Variants in CDK13 observed in about 807,000 individuals in gnomAD.
CDK13 encodes cyclin-dependent kinase 13.
Under a neutral mutation model 137.6 loss-of-function variants are expected in CDK13, and 40 were observed. The ratio of observed to expected loss-of-function variants is 0.29; its 90% confidence interval spans 0.23 to 0.38. The LOEUF is 0.38. Ranked by LOEUF, CDK13 falls within the 10% of genes least tolerant of loss-of-function variation. CDK13 has a pLI of 1.00. For missense variants in CDK13, 1,704 were observed against 1,951.8 expected (o/e 0.87, Z 2.39); for synonymous variants, 869 against 760.1 (o/e 1.14, Z -2.36).
intron 1 of CDK13, among the ~76,000 whole-genome samples, chr7:39,963,286 C>T (rs1189771555): frequency 1.3e-5 from 2 of 152,076 alleles, no homozygotes; most frequent in Non-Finnish European, 2.9e-5. Flanking sequence ...TGTTTGTGTC[C>T]TCTTTTATTT....
intron 5 of CDK13, among the ~76,000 whole-genome samples, chr7:40,036,379 C>G (rs974186109): frequency 5.3e-5 from 8 of 152,038 alleles, no homozygotes; most frequent in African/African-American, 1.9e-4. Flanking sequence ...TGAGACCAGC[C>G]TGGCCAACAT....
At position 40,036,173 on chromosome 7, in the gene CDK13, T is replaced by TACACACACACAC. The variant is rs70996875; in HGVS notation, c.2354-9649_2354-9638dup. The stretch of plus-strand genomic sequence containing the variant: ...CCTGTCTCAAAATAAATAAATAAAT[T>TACACACACACAC]ACACACACACACACACACACACACA... On this transcript the variant is annotated intron_variant, in intron 5 of 13. Coordinates refer to ENST00000181839, the MANE Select transcript of CDK13 (RefSeq NM_003718.5). Among the ~76,000 whole-genome samples the TACACACACACAC allele has an allele frequency of 5.2e-3, 771 of 149,142 alleles. 7 individuals are homozygous for TACACACACACAC. The highest frequency in any genetic ancestry group is 0.013 in the African/African-American group (529 of 40,756).
chr7:39,990,152 A>G (rs1338093902), intron 2 of CDK13, among the ~76,000 whole-genome samples: 2 of 152,148 alleles, frequency 1.3e-5, no homozygotes, highest in African/African-American at 2.4e-5. Context: ...TCTTACGTAT[A>G]CATGTGAGTG....
chr7:39,950,857 C>A lies in CDK13; in HGVS notation c.216C>A (p.Ala72=). Residue 72 remains alanine, a synonymous_variant, in exon 1 of 14, where the codon GCC becomes GCA. Transcript: ENST00000181839. ...CCGGCACGGCCGCCGCCGCAGCCGC[C>A]GCCGCCGCGGCCTCCTCCTCTTGCT... ...AAPGTAAAAA[A]AAAASSSCFS... 7.3e-7 allele frequency: 1 copy of A among 1,370,654 alleles called. No individual in the cohort carries two copies. Among genetic ancestry groups the A allele is most frequent in the Non-Finnish European group, 9.3e-7 (1 of 1,073,038 alleles). 84.9% of individuals were successfully genotyped at this position (1,370,654 alleles called of 1,614,324 possible). A position where few individuals can be genotyped will look rare whatever the true frequency, so the allele number is the denominator to read the frequency against.
intron 5 of CDK13, among the ~76,000 whole-genome samples, chr7:40,027,435 C>G (rs1484738093): frequency 1.3e-5 from 2 of 152,186 alleles, no homozygotes; most frequent in African/African-American, 2.4e-5. Flanking sequence ...TAAATCTTCA[C>G]AATCCACTTT....
At chr7:40,069,623 A>G (rs1262796721) in intron 9 of CDK13, 4 of 196,102 alleles carry the variant, frequency 2.0e-5, no homozygotes, top group African/African-American at 2.3e-5. Context: ...TAGTGTCAGT[A>G]TAGTACAGAT....
At chr7:40,016,614 G>T (rs374381408) in intron 5 of CDK13, among the ~76,000 whole-genome samples, 1 of 152,140 alleles carries the variant, frequency 6.6e-6, no homozygotes, top group Non-Finnish European at 1.5e-5. Context: ...ATCATCTGAT[G>T]TTGAGAAATA....
chr7:40,063,906 C>T (rs908921671), intron 9 of CDK13, among the ~76,000 whole-genome samples: 9 of 152,104 alleles, frequency 5.9e-5, no homozygotes, highest in Admixed American at 1.3e-4. Context: ...GACTGCCCCC[C>T]GCCTCGTTCT....
Position 39,992,163 on chromosome 7 carries a change from G to GGTGTGTGTGTGT in CDK13, c.1871+3932_1871+3943dup, listed in dbSNP as rs140203379. On this transcript the variant is annotated intron_variant, in intron 2 of 13. Transcript: ENST00000181839. The stretch of plus-strand genomic sequence containing the variant: ...CTAGTTGTTTAAGAGAACTAATGAG[G>GGTGTGTGTGTGT]GTGTGTGTGTGTGTGTGTGTGTGTG... Among the ~76,000 whole-genome samples the GGTGTGTGTGTGT allele has an allele frequency of 1.6e-3, 230 of 146,396 alleles. 1 individual carries two copies. Among genetic ancestry groups the GGTGTGTGTGTGT allele is most frequent in the South Asian group, 1.8e-3 (8 of 4,508 alleles).
chr7:40,087,108 C>G (rs1786805030), intron 11 of CDK13, among the ~76,000 whole-genome samples: 1 of 151,842 alleles, frequency 6.6e-6, no homozygotes, highest in East Asian at 1.9e-4. Context: ...TGGCCCTTTA[C>G]TACTTTTTTA....
At position 39,950,678 on chromosome 7, in the gene CDK13, G is replaced by A. The variant is rs2116045739; in HGVS notation, c.37G>A (p.Gly13Arg). 7.1e-7 allele frequency: 1 copy of A among 1,398,762 alleles called. No homozygotes were observed. The highest frequency in any genetic ancestry group is 9.2e-7 in the Non-Finnish European group (1 of 1,081,480). 86.6% of individuals were successfully genotyped at this position (1,398,762 alleles called of 1,614,324 possible). Reference sequence around the variant, plus strand: ...CTCGGACACGGCGCTGGGGGGAGGCGGGGGCCTGAGCTGGGCGGAGAAGAA... The same window carrying A: ...CTCGGACACGGCGCTGGGGGGAGGCAGGGGCCTGAGCTGGGCGGAGAAGAA... ...SSSDTALGGG[G>R]GLSWAEKKLE... The change falls in exon 1 of 14, where the codon GGG (glycine) becomes AGG (arginine). Residue 13 changes from glycine to arginine, a missense_variant. By Grantham distance (125) the Gly-to-Arg change is moderately radical. Coordinates refer to ENST00000181839, the MANE Select transcript of CDK13 (RefSeq NM_003718.5).
At chr7:39,982,226 T>C (rs1784243148) in intron 1 of CDK13, among the ~76,000 whole-genome samples, 1 of 148,456 alleles carries the variant, frequency 6.7e-6, no homozygotes, top group Non-Finnish European at 1.5e-5. Context: ...CCATGTGTTC[T>C]CATTGTTCAA....
chr7:39,970,542 C>T (rs1776312942), intron 1 of CDK13, among the ~76,000 whole-genome samples: 1 of 151,586 alleles, frequency 6.6e-6, no homozygotes, highest in African/African-American at 2.4e-5. Flanking sequence ...CTCACTGCAA[C>T]CTCCGCCTCC....
intron 1 of CDK13, among the ~76,000 whole-genome samples, chr7:39,976,770 T>C (rs1300275180): frequency 1.3e-5 from 2 of 152,134 alleles, no homozygotes; most frequent in African/African-American, 2.4e-5. Context: ...ATAAAAGTTA[T>C]GTGAATGTAG....
chr7:40,078,434 T>TA, intron 10 of CDK13: 1 of 282,670 alleles, frequency 3.5e-6, no homozygotes, highest in African/African-American at 2.2e-5. Context: ...ACTATACTGT[T>TA]CAGTTCTTAA....
chr7:39,972,911 C>T (rs1784030183), intron 1 of CDK13, among the ~76,000 whole-genome samples: 1 of 152,124 alleles, frequency 6.6e-6, no homozygotes, highest in Non-Finnish European at 1.5e-5. Context: ...TTTTTATATT[C>T]ATATCAGCAA....
At chr7:40,051,019 C>G (rs1397555514) in intron 7 of CDK13, among the ~76,000 whole-genome samples, 1 of 152,044 alleles carries the variant, frequency 6.6e-6, no homozygotes, top group African/African-American at 2.4e-5. Flanking sequence ...AATTTGGGTT[C>G]CATTGGAGTG....
At chr7:39,983,067 T>A (rs1246164463) in intron 1 of CDK13, among the ~76,000 whole-genome samples, 1 of 152,218 alleles carries the variant, frequency 6.6e-6, no homozygotes, top group Non-Finnish European at 1.5e-5. Context: ...TTGCTTTTGG[T>A]GTTTTATTAG....
At chr7:40,078,972 G>A (rs943280452) in intron 11 of CDK13, 121 bp downstream of exon 11, 67 of 311,048 alleles carry the variant, frequency 2.2e-4, no homozygotes, top group African/African-American at 1.3e-3. Context: ...ATATAATAAA[G>A]GAAAGATAAA....
Sources: gnomAD v4.1 joint callset for allele counts (sites outside exome capture counted in the v4.1 genomes callset) on GRCh38, gnomAD v4.1.1 for gene constraint, MANE v1.5 for transcripts, NCBI Gene and HGNC (gene_info 2026-07-23, HGNC 2026-07-21) for gene names.